The following TBL1XR1 variants were observed in gnomAD, a reference collection of about 807,000 sequenced individuals.
The protein encoded by TBL1XR1 is F-box-like/WD repeat-containing protein TBL1XR1.
Under a neutral mutation model 66.9 loss-of-function variants are expected in TBL1XR1, and 5 were observed. The ratio of observed to expected loss-of-function variants is 0.07; its 90% CI spans 0.04 to 0.16. The LOEUF (loss-of-function observed/expected upper bound fraction) is 0.16. Among genes scored for constraint, TBL1XR1 ranks in the 10% least tolerant of loss-of-function variants. The pLI is 1.00. For synonymous variants in TBL1XR1, 210 were observed against 206.0 expected, an observed-to-expected ratio of 1.02 and a Z score of -0.17; for missense variants, 238 against 623.2, an observed-to-expected ratio of 0.38 and a Z score of 6.58.
chr3:177,064,037 TG>T (rs1718845963), intron 3 of TBL1XR1, among the ~76,000 whole-genome samples: 1 of 152,168 alleles, frequency 6.6e-6, no homozygotes, highest in South Asian at 2.1e-4. Context: ...AACCATAAAC[TG>T]GGGGCTCAAT....
At chr3:177,053,014 A>T (rs1717304651) in intron 4 of TBL1XR1, among the ~76,000 whole-genome samples, 1 of 152,324 alleles carries the variant, frequency 6.6e-6, no homozygotes, top group South Asian at 2.1e-4. Context: ...AGGCAGGACA[A>T]TCGCTTGAAC....
chr3:177,114,558 C>T (rs1006883963), intron 1 of TBL1XR1, among the ~76,000 whole-genome samples: 17 of 152,074 alleles, frequency 1.1e-4, no homozygotes, highest in African/African-American at 4.1e-4. Flanking sequence ...GCCTTGGCCT[C>T]CTGAAGTGCT....
intron 1 of TBL1XR1, among the ~76,000 whole-genome samples, chr3:177,159,391 G>C (rs1323167756): frequency 6.6e-6 from 1 of 152,026 alleles, no homozygotes; most frequent in Non-Finnish European, 1.5e-5. Flanking sequence ...TTAAAATAAA[G>C]TACATTCAAT....
intron 1 of TBL1XR1, among the ~76,000 whole-genome samples, chr3:177,125,569 T>A (rs1727515009): frequency 6.6e-6 from 1 of 152,224 alleles, no homozygotes; most frequent in African/African-American, 2.4e-5. Flanking sequence ...GACAAGTGTC[T>A]TTTTTATTTC....
At chr3:177,162,862 A>G (rs887651463) in intron 1 of TBL1XR1, among the ~76,000 whole-genome samples, 75 of 152,236 alleles carry the variant, frequency 4.9e-4, no homozygotes, top group Non-Finnish European at 2.2e-4. Context: ...CTAAAGTAAT[A>G]TCTTCACTAG....
rs1712768211 is a variant in TBL1XR1 at position 177,024,228 on chromosome 3, C to T, written c.*1270G>A. ...AATTATACTTTCATTAAAAAAAATTCTGAATCACTGCTATTTAAAAACACC... is the reference window on the plus strand; with the variant it reads ...AATTATACTTTCATTAAAAAAAATTTTGAATCACTGCTATTTAAAAACACC... On this transcript the variant is annotated 3_prime_UTR_variant, in exon 16 of 16. Coordinates refer to ENST00000457928, the MANE Select transcript of TBL1XR1 (RefSeq NM_024665.7). 1 of 152,482 alleles carries T rather than the reference C, an allele frequency of 6.6e-6. No individual in the cohort carries two copies. Among genetic ancestry groups the T allele is most frequent in the Admixed American group, 6.6e-5 (1 of 15,260 alleles). The allele number at this position is 152,482 out of a possible 1,614,324, so 9.4% of individuals were successfully genotyped here. A position where few individuals can be genotyped will look rare whatever the true frequency, so the allele number is the denominator to read the frequency against.
At position 177,098,335 on chromosome 3, in the gene TBL1XR1, TA is replaced by T. The variant is rs547794994; in HGVS notation, c.-46+130del. On this transcript the variant is annotated intron_variant, in intron 2 of 15. Coordinates refer to ENST00000457928, the MANE Select transcript of TBL1XR1 (RefSeq NM_024665.7). The stretch of plus-strand genomic sequence containing the variant: ...ATATATTTAAAAAGAATAAAAAATT[TA>T]AAAAAAAAACACTTACTTAGCTTGG... The T allele has an allele frequency of 2.4e-3, 695 of 291,592 alleles. 1 individual carries two copies. The highest frequency in any genetic ancestry group is 8.1e-3 in the East Asian group (47 of 5,774). 18.1% of individuals were successfully genotyped at this position (291,592 alleles called of 1,614,324 possible).
chr3:177,043,737 T>C (rs1715934111), intron 10 of TBL1XR1, among the ~76,000 whole-genome samples: 1 of 152,186 alleles, frequency 6.6e-6, no homozygotes, highest in Non-Finnish European at 1.5e-5. Context: ...GTACTTCTGT[T>C]TATCTCTTCT....
chr3:177,033,270 TAGG>T, intron 13 of TBL1XR1, 134 bp from the exon 14 acceptor site: 1 of 545,694 alleles, frequency 1.8e-6, no homozygotes, highest in Non-Finnish European at 3.0e-6. Context: ...ACTGGACTGT[TAGG>T]AAGAATATTC....
intron 1 of TBL1XR1, among the ~76,000 whole-genome samples, chr3:177,109,183 T>G (rs1209904605): frequency 6.6e-6 from 1 of 152,184 alleles, no homozygotes; most frequent in Non-Finnish European, 1.5e-5. Flanking sequence ...TAAACAAAAT[T>G]ACATTTAAAA....
intron 4 of TBL1XR1, among the ~76,000 whole-genome samples, chr3:177,053,130 AAAC>A (rs1717326018): frequency 6.6e-6 from 1 of 152,166 alleles, no homozygotes. Flanking sequence ...CAAAAAACAA[AAAC>A]AACATTTTAA....
intron 1 of TBL1XR1, among the ~76,000 whole-genome samples, chr3:177,104,524 A>C (rs1195766016): frequency 6.6e-6 from 1 of 152,230 alleles, no homozygotes; most frequent in African/African-American, 2.4e-5. Flanking sequence ...GGTGAAAAGC[A>C]GAAGGAGCTA....
At chr3:177,198,865 GACACACACACACACACACACACACACAC>G (rs57636923), upstream of TBL1XR1, among the ~76,000 whole-genome samples, 5 of 148,088 alleles carry the variant, frequency 3.4e-5, no homozygotes, top group Admixed American at 2.0e-4. Flanking sequence ...GAAGTTTTGC[GACACACACACACACACACACACACACAC>G]ACACACACAC....
At chr3:177,158,634 T>C (rs1394251563) in intron 1 of TBL1XR1, among the ~76,000 whole-genome samples, 6 of 152,142 alleles carry the variant, frequency 3.9e-5, no homozygotes, top group Non-Finnish European at 7.3e-5. Flanking sequence ...CCTGTTGCTA[T>C]GGTGTTGCTC....
chr3:177,132,372 T>C (rs1728408117), intron 1 of TBL1XR1, among the ~76,000 whole-genome samples: 1 of 152,182 alleles, frequency 6.6e-6, no homozygotes. Context: ...CTCCTTCAGG[T>C]CCACTGATGG....
At chr3:177,169,467 T>C (rs1025627187) in intron 1 of TBL1XR1, among the ~76,000 whole-genome samples, 1 of 152,326 alleles carries the variant, frequency 6.6e-6, no homozygotes, top group Non-Finnish European at 1.5e-5. Context: ...AAGAAAAGCA[T>C]GATCATGGCA....
At chr3:177,122,542 A>G (rs1727101628) in intron 1 of TBL1XR1, among the ~76,000 whole-genome samples, 1 of 152,154 alleles carries the variant, frequency 6.6e-6, no homozygotes, top group Admixed American at 6.5e-5. Context: ...TATCTGACCT[A>G]AAATACTGCA....
chr3:177,148,758 C>T (rs1730536873), intron 1 of TBL1XR1, among the ~76,000 whole-genome samples: 1 of 151,486 alleles, frequency 6.6e-6, no homozygotes, highest in Non-Finnish European at 1.5e-5. Flanking sequence ...GCCTGTAATC[C>T]CTGCACTTTG....
chr3:177,082,242 G>C (rs1224570708), intron 2 of TBL1XR1, among the ~76,000 whole-genome samples: 1 of 152,058 alleles, frequency 6.6e-6, no homozygotes, highest in Non-Finnish European at 1.5e-5. Flanking sequence ...TATATTTGGA[G>C]TGATAAAAAG....
Sources: allele counts gnomAD v4.1 joint callset (sites outside exome capture counted in the v4.1 genomes callset), GRCh38; gene constraint gnomAD v4.1.1; transcripts MANE v1.5; gene names NCBI Gene and HGNC (gene_info 2026-07-23, HGNC 2026-07-21).